Variants in ARPC1A observed in about 807,000 individuals in gnomAD.
The protein encoded by ARPC1A is actin related protein 2/3 complex subunit 1A, also known as actin-related protein 2/3 complex subunit 1A.
A neutral mutation model predicts 46.9 loss-of-function variants in ARPC1A; 8 were observed. That is an observed-to-expected ratio of 0.17 (90% CI 0.10 to 0.31). The LOEUF is 0.31. ARPC1A is among the 10% of genes least tolerant of loss of function. ARPC1A has a pLI of 1.00. For missense variants in ARPC1A, 286 were observed against 483.6 expected (o/e 0.59, Z 3.83); for synonymous variants, 152 against 169.0 (o/e 0.90, Z 0.78).
intron 5 of ARPC1A, among the ~76,000 whole-genome samples, chr7:99,350,179 T>A (rs1793524192): frequency 6.6e-6 from 1 of 152,184 alleles, no homozygotes; most frequent in Non-Finnish European, 1.5e-5. Flanking sequence ...GAAGATTTCC[T>A]TAAGTGTAAG....
chr7:99,349,480 G>A (rs180820537), intron 5 of ARPC1A, among the ~76,000 whole-genome samples: 133 of 152,058 alleles, frequency 8.7e-4, no homozygotes, highest in African/African-American at 3.1e-3. Context: ...TGAGGTGGGC[G>A]GATCACCTGA....
At chr7:99,330,336 A>G (rs1267791439) in intron 1 of ARPC1A, among the ~76,000 whole-genome samples, 1 of 149,718 alleles carries the variant, frequency 6.7e-6, no homozygotes, top group African/African-American at 2.5e-5. Flanking sequence ...TTGTTTTGAT[A>G]CAGAGTCTCA....
chr7:99,340,231 T>C (rs780201956), intron 3 of ARPC1A, among the ~76,000 whole-genome samples: 2 of 152,112 alleles, frequency 1.3e-5, no homozygotes, highest in African/African-American at 2.4e-5. Flanking sequence ...GGTACAGTCT[T>C]GGCTGACTGC....
At chr7:99,338,739 A>G (rs753570273) in intron 3 of ARPC1A, among the ~76,000 whole-genome samples, 1 of 152,200 alleles carries the variant, frequency 6.6e-6, no homozygotes, top group East Asian at 1.9e-4. Flanking sequence ...TTTAAAGAAA[A>G]TACTATAATG....
At chr7:99,349,772 G>A (rs995651317) in intron 5 of ARPC1A, among the ~76,000 whole-genome samples, 2 of 151,722 alleles carry the variant, frequency 1.3e-5, no homozygotes, top group East Asian at 1.9e-4. Flanking sequence ...CTCGGGAGGC[G>A]GAGCTTGCAG....
chr7:99,346,276 A>G (rs2150866738), intron 4 of ARPC1A, among the ~76,000 whole-genome samples: 1 of 152,324 alleles, frequency 6.6e-6, no homozygotes, highest in East Asian at 1.9e-4. Context: ...TTCAAATGTG[A>G]AATCAAGGCT....
At chr7:99,346,216 CAA>C (rs34608892) in intron 4 of ARPC1A, among the ~76,000 whole-genome samples, 17 of 96,788 alleles carry the variant, frequency 1.8e-4, no homozygotes, top group Admixed American at 3.3e-4. Context: ...AACTCCGTCT[CAA>C]AAAAAAAAAA....
chr7:99,327,989 C>T (rs1584372282), intron 1 of ARPC1A, among the ~76,000 whole-genome samples: 1 of 151,084 alleles, frequency 6.6e-6, no homozygotes, highest in East Asian at 2.1e-4. Context: ...TTTTCAAGCT[C>T]CAAAGGAGTA....
intron 4 of ARPC1A, among the ~76,000 whole-genome samples, chr7:99,345,446 A>G (rs1793429836): frequency 6.6e-6 from 1 of 152,116 alleles, no homozygotes; most frequent in Non-Finnish European, 1.5e-5. Context: ...TTGTTTTGAT[A>G]AGGAAACAAT....
chr7:99,358,651 CCG>C, intron 7 of ARPC1A: 1 of 456,940 alleles, frequency 2.2e-6, no homozygotes, highest in Non-Finnish European at 3.9e-6. Context: ...AGCGATTCTC[CCG>C]CCTCAGCCTC....
At chr7:99,355,231 G>A (rs1409538921) in intron 6 of ARPC1A, among the ~76,000 whole-genome samples, 2 of 151,272 alleles carry the variant, frequency 1.3e-5, no homozygotes, top group Non-Finnish European at 2.9e-5. Context: ...GCGGTGAGCC[G>A]AGATTGTGCC....
chr7:99,346,064 A>C (rs1793439377), intron 4 of ARPC1A, among the ~76,000 whole-genome samples: 1 of 152,028 alleles, frequency 6.6e-6, no homozygotes, highest in South Asian at 2.1e-4. Flanking sequence ...AAATACAAAA[A>C]AATTAACGGG....
chr7:99,338,291 G>A lies in ARPC1A; in HGVS notation c.169+6G>A. Reference sequence around the variant, plus strand: ...GCACAACGGACACATCACAGGTAAAGGAAGATAGCCGTGAGCTTAGTGTGA... The same window carrying A: ...GCACAACGGACACATCACAGGTAAAAGAAGATAGCCGTGAGCTTAGTGTGA... On this transcript the variant is annotated splice_donor_region_variant and intron_variant, in intron 3 of 9. Coordinates refer to ENST00000262942, the MANE Select transcript of ARPC1A (RefSeq NM_006409.4). 1.3e-6 allele frequency: 2 copies of A among 1,583,386 alleles called. No homozygotes were observed. Among genetic ancestry groups the A allele is most frequent in the Non-Finnish European group, 1.7e-6 (2 of 1,155,908 alleles).
chr7:99,362,653 T>C (rs1440908336), intron 8 of ARPC1A, among the ~76,000 whole-genome samples: 1 of 151,920 alleles, frequency 6.6e-6, no homozygotes, highest in Non-Finnish European at 1.5e-5. Flanking sequence ...TTGTTGTTTT[T>C]TTTTTTTATT....
At chr7:99,356,970 A>G (rs764657543) in intron 6 of ARPC1A, among the ~76,000 whole-genome samples, 6 of 152,206 alleles carry the variant, frequency 3.9e-5, no homozygotes, top group Non-Finnish European at 7.3e-5. Context: ...AGATTTCCCT[A>G]CATAAACAGG....
At chr7:99,330,915 T>A (rs1451557508) in intron 1 of ARPC1A, among the ~76,000 whole-genome samples, 4 of 152,246 alleles carry the variant, frequency 2.6e-5, no homozygotes, top group African/African-American at 9.6e-5. Context: ...TGGTTGCTTC[T>A]TCAAGTGTAT....
rs1378168814 is a variant in ARPC1A, at chr7:99,359,702, A to G, written c.947A>G (p.Asn316Ser). ...MDKRATTEDR[N>S]TALETLHQNS... is the part of the protein sequence containing the mutation. ...AAGAGAGCCACAACTGAGGACCGCAACACGGCCTTGGAGACGCTGCACCAG... is the reference window on the plus strand; with the variant it reads ...AAGAGAGCCACAACTGAGGACCGCAGCACGGCCTTGGAGACGCTGCACCAG... The change falls in exon 8 of 10, where the codon AAC becomes AGC. Residue 316 changes from asparagine (N) to serine (S), a missense_variant. Physicochemically the swap from Asn to Ser is conservative, Grantham distance 46. This residue lies in a region of ARPC1A where 182 missense variants were observed against 276.7 expected (regional missense o/e 0.66). Coordinates refer to ENST00000262942, the MANE Select transcript of ARPC1A (RefSeq NM_006409.4). 2 of 1,614,182 alleles carry G rather than the reference A, an allele frequency of 1.2e-6. No individual in the cohort carries two copies. The highest frequency in any genetic ancestry group is 1.7e-5 in the Admixed American group (1 of 60,016).
chr7:99,341,575 C>A (rs946687435), intron 3 of ARPC1A, among the ~76,000 whole-genome samples: 1 of 143,616 alleles, frequency 7.0e-6, no homozygotes, highest in Non-Finnish European at 1.5e-5. Context: ...TGCCATTGCA[C>A]GCCAGCCTGG....
At chr7:99,359,023 G>T (rs1335959620) in intron 7 of ARPC1A, among the ~76,000 whole-genome samples, 1 of 150,878 alleles carries the variant, frequency 6.6e-6, no homozygotes, top group Non-Finnish European at 1.5e-5. Context: ...AGTAGAGATG[G>T]GGTTTCACCA....
Sources: allele counts gnomAD v4.1 joint callset (sites outside exome capture counted in the v4.1 genomes callset), GRCh38; gene constraint gnomAD v4.1.1; regional missense constraint gnomAD v4.1.1; transcripts MANE v1.5; gene names NCBI Gene and HGNC (gene_info 2026-07-23, HGNC 2026-07-21).